Variants in ERBIN observed in about 807,000 individuals in gnomAD.
The protein encoded by ERBIN is densin-180-like protein.
In ERBIN, 60 loss-of-function variants were observed where a neutral mutation model predicts 158.4. The ratio of observed to expected loss-of-function variants is 0.38; its 90% confidence interval spans 0.31 to 0.47. The LOEUF is 0.47. Among genes scored for constraint, ERBIN ranks in the 20% least tolerant of loss-of-function variants. The pLI, the probability that ERBIN is intolerant of heterozygous loss-of-function variation, is 0.99. For missense variants in ERBIN, 1,610 were observed against 1,648.0 expected (o/e 0.98, Z 0.40); for synonymous variants, 594 against 557.2 (o/e 1.07, Z -0.93).
intron 1 of ERBIN, among the ~76,000 whole-genome samples, chr5:65,963,414 C>G (rs6898469): frequency 0.04 from 6,093 of 151,968 alleles, 415 homozygotes; most frequent in African/African-American, 0.14. Context: ...TGGCCAACAC[C>G]GTGAAACCCC....
chr5:65,977,090 C>T (rs1274711361), intron 1 of ERBIN, among the ~76,000 whole-genome samples: 3 of 150,914 alleles, frequency 2.0e-5, no homozygotes, highest in East Asian at 4.0e-4. Flanking sequence ...CCAGTAGGGG[C>T]GGCCGGGCAG....
intron 14 of ERBIN, among the ~76,000 whole-genome samples, chr5:66,031,517 C>A (rs1428335439): frequency 2.0e-5 from 3 of 152,192 alleles, no homozygotes; most frequent in Non-Finnish European, 4.4e-5. Context: ...GAAATGCCTG[C>A]AGTGCCTGAA....
intron 21 of ERBIN, among the ~76,000 whole-genome samples, chr5:66,062,586 G>T (rs1760530625): frequency 1.3e-5 from 2 of 152,184 alleles, no homozygotes; most frequent in African/African-American, 4.8e-5. Context: ...TGCTGGTGAG[G>T]AGCTGCGTTC....
At chr5:65,940,913 T>C (rs1267517994) in intron 1 of ERBIN, among the ~76,000 whole-genome samples, 2 of 152,118 alleles carry the variant, frequency 1.3e-5, no homozygotes, top group African/African-American at 2.4e-5. Flanking sequence ...AATTGGATGG[T>C]TGCCATGTCT....
intron 4 of ERBIN, among the ~76,000 whole-genome samples, chr5:66,008,436 A>T (rs1013720415): frequency 7.9e-5 from 12 of 152,176 alleles, no homozygotes; most frequent in African/African-American, 2.9e-4. Context: ...ATAAATAATT[A>T]TGAAGTATTC....
intron 1 of ERBIN, among the ~76,000 whole-genome samples, chr5:65,984,559 C>T (rs1040572543): frequency 1.3e-4 from 20 of 152,304 alleles, no homozygotes; most frequent in Admixed American, 3.9e-4. Flanking sequence ...GTCAGTGGCT[C>T]GGTTTAAGAG....
chr5:65,985,652 A>G (rs1462098490), intron 1 of ERBIN, among the ~76,000 whole-genome samples: 7 of 152,148 alleles, frequency 4.6e-5, no homozygotes, highest in South Asian at 2.1e-4. Flanking sequence ...CTCTTTCTCT[A>G]CTAGATTGTT....
At chr5:65,959,083 G>A (rs981274438) in intron 1 of ERBIN, among the ~76,000 whole-genome samples, 2 of 152,048 alleles carry the variant, frequency 1.3e-5, no homozygotes, top group African/African-American at 2.4e-5. Context: ...TTATTTATAC[G>A]TGTTGTCAAA....
Position 66,054,665 on chromosome 5 carries a change from C to G in ERBIN, c.3347C>G (p.Thr1116Ser), listed in dbSNP as rs375366413. 1.1e-5 allele frequency: 17 copies of G among 1,613,888 alleles called. No homozygotes were observed. The African/African-American group carries it at 1.9e-4, about 18-fold the overall frequency. The change falls in exon 21 of 26, where the codon ACT becomes AGT. Residue 1116 changes from threonine (T) to serine (S), a missense_variant. Physicochemically the swap from Thr to Ser is moderately conservative, Grantham distance 58. Coordinates refer to ENST00000284037, the MANE Select transcript of ERBIN (RefSeq NM_001253697.2). ...AGAGAGTTCCACTCAGCGGGAAGAA[C>G]TCCTCCAATGATGCCAGGATCACAG... ...SYREFHSAGR[T>S]PPMMPGSQRP...
chr5:65,963,322 A>G (rs1051484252), intron 1 of ERBIN, among the ~76,000 whole-genome samples: 14 of 152,348 alleles, frequency 9.2e-5, no homozygotes, highest in African/African-American at 3.4e-4. Context: ...GATACAACCA[A>G]ACAAATGGAA....
At chr5:66,013,444 G>C (rs1580348316) in intron 5 of ERBIN, 105 bp from the exon 6 acceptor site, 2 of 836,772 alleles carry the variant, frequency 2.4e-6, no homozygotes. Flanking sequence ...TAACAGAAGC[G>C]ACTGTTTTCT....
At chr5:65,987,092 T>A (rs958668943) in intron 1 of ERBIN, among the ~76,000 whole-genome samples, 1 of 152,168 alleles carries the variant, frequency 6.6e-6, no homozygotes, top group African/African-American at 2.4e-5. Context: ...GCAAATGTTT[T>A]TCCAGAATTA....
At chr5:65,942,908 CA>C (rs56041538) in intron 1 of ERBIN, among the ~76,000 whole-genome samples, 6,429 of 138,500 alleles carry the variant, frequency 0.046, 367 homozygotes, top group African/African-American at 0.14. Flanking sequence ...ACTCCGTCTC[CA>C]AAAAAAAAAA....
chr5:66,017,483 T>A (rs766806727), intron 7 of ERBIN, among the ~76,000 whole-genome samples: 1 of 151,876 alleles, frequency 6.6e-6, no homozygotes, highest in African/African-American at 2.4e-5. Context: ...TTTTGAGAAA[T>A]GTCTATTCAG....
rs1401961090 is a variant in ERBIN, at chr5:66,057,477, AAAT to A, written c.3633+2530_3633+2532del. Among the ~76,000 whole-genome samples, 20 of 152,272 alleles carry A rather than the reference AAAT, an allele frequency of 1.3e-4. 1 individual carries two copies. The South Asian group carries it at 3.5e-3, about 27-fold the overall frequency. Reference sequence around the variant, plus strand: ...TGCAATAGGTTATTTTATGATGGTAAAATAATTATTTTTCTTAAAAATTTATAG... The same window carrying A: ...TGCAATAGGTTATTTTATGATGGTAAAATTATTTTTCTTAAAAATTTATAG... On this transcript the variant is annotated intron_variant, in intron 21 of 25. Coordinates refer to ENST00000284037, the MANE Select transcript of ERBIN (RefSeq NM_001253697.2).
chr5:65,971,117 C>G (rs560102769), intron 1 of ERBIN, among the ~76,000 whole-genome samples: 2 of 152,052 alleles, frequency 1.3e-5, no homozygotes, highest in South Asian at 4.1e-4. Flanking sequence ...TAGGTTTGAC[C>G]TTTTTGTGCC....
intron 14 of ERBIN, among the ~76,000 whole-genome samples, chr5:66,028,606 A>G (rs2151161440): frequency 6.6e-6 from 1 of 152,302 alleles, no homozygotes; most frequent in Middle Eastern, 3.4e-3. Context: ...AATCAGACTC[A>G]AACTCTGAAT....
At chr5:65,989,451 A>G (rs902419029) in intron 2 of ERBIN, among the ~76,000 whole-genome samples, 1 of 152,190 alleles carries the variant, frequency 6.6e-6, no homozygotes, top group Non-Finnish European at 1.5e-5. Context: ...CTATTCACAG[A>G]AAGTTTTCCT....
chr5:65,982,975 T>G (rs1750815292), intron 1 of ERBIN, among the ~76,000 whole-genome samples: 1 of 152,252 alleles, frequency 6.6e-6, no homozygotes, highest in Non-Finnish European at 1.5e-5. Context: ...TGATTCCTGC[T>G]GGTTATATGA....
Sources: gnomAD v4.1 joint callset for allele counts (sites outside exome capture counted in the v4.1 genomes callset) on GRCh38, gnomAD v4.1.1 for gene constraint, MANE v1.5 for transcripts, NCBI Gene and HGNC (gene_info 2026-07-23, HGNC 2026-07-21) for gene names.